Variants in TUBA4B observed in about 807,000 individuals in gnomAD.
TUBA4B encodes the protein tubulin-like protein alpha-4B.
TUBA4B carries 13 observed loss-of-function variants against 18.4 expected under a neutral mutation model. The observed-to-expected ratio is 0.71, with a 90% CI of 0.46 to 1.12. The LOEUF is 1.12. Ranked by LOEUF, TUBA4B falls within the 50% of genes most tolerant of loss-of-function variation. The pLI, the probability that TUBA4B is intolerant of heterozygous loss-of-function variation, is 0.00. For synonymous variants in TUBA4B, 101 were observed against 99.1 expected (o/e 1.02, Z -0.11); for missense variants, 244 against 250.0 (o/e 0.98, Z 0.16).
At chr2:219,270,595 G>A (rs555255251) in intron 3 of TUBA4B, among the ~76,000 whole-genome samples, 13 of 151,414 alleles carry the variant, frequency 8.6e-5, no homozygotes, top group Non-Finnish European at 1.9e-4. Context: ...TTGATGGGCT[G>A]CCTGGCCAAG....
intron 2 of TUBA4B, among the ~76,000 whole-genome samples, chr2:219,268,988 C>T (rs1226844478): frequency 2.6e-5 from 4 of 151,990 alleles, no homozygotes; most frequent in African/African-American, 4.8e-5. Context: ...CCCAGCTACT[C>T]GGGAGGCTGA....
At chr2:219,255,861 T>C (rs570504774) in intron 1 of TUBA4B, among the ~76,000 whole-genome samples, 2 of 152,288 alleles carry the variant, frequency 1.3e-5, no homozygotes, top group East Asian at 3.9e-4. Flanking sequence ...GGCAACTCTC[T>C]ATCAACAAAA....
At chr2:219,257,983 G>GTTTTT (rs1025891775) in intron 1 of TUBA4B, among the ~76,000 whole-genome samples, 8 of 94,172 alleles carry the variant, frequency 8.5e-5, no homozygotes, top group Non-Finnish European at 1.4e-4. Flanking sequence ...CATTTTGGGT[G>GTTTTT]TTTTTTTTTT....
chr2:219,253,776 C>T, intron 1 of TUBA4B: 1 of 1,506,192 alleles, frequency 6.6e-7, no homozygotes. Context: ...TGGAGGTCCC[C>T]GAGCATGCCT....
chr2:219,272,027 G>A lies in TUBA4B; in HGVS notation c.*328G>A. ...GGCACTGATATGTGGGTGAGGGCAT[G>A]GAGGAGGGTGAGTTCTCCAAGGCCC... On this transcript the variant is annotated 3_prime_UTR_variant, in exon 4 of 4. Transcript: ENST00000490341. 1 of 1,485,164 alleles carries A rather than the reference G, an allele frequency of 6.7e-7. No homozygotes were observed. 92.0% of individuals were successfully genotyped at this position (1,485,164 alleles called of 1,614,324 possible).
chr2:219,271,915 G>A lies in TUBA4B; in HGVS notation c.*216G>A, dbSNP rs1452896530. ...CCTGGTAAAGTGCAACGTGCCATGT[G>A]CATGCTGAGCAACATGACAGCCATC... On this transcript the variant is annotated 3_prime_UTR_variant, in exon 4 of 4. Coordinates refer to ENST00000490341, the MANE Select transcript of TUBA4B (RefSeq NM_001355221.1). The A allele has an allele frequency of 2.1e-6, 3 of 1,431,014 alleles. No homozygotes were observed. The highest frequency in any genetic ancestry group is 1.1e-5 in the South Asian group (1 of 87,176). The allele number at this position is 1,431,014 out of a possible 1,614,324, so 88.6% of individuals were successfully genotyped here. A position where few individuals can be genotyped will look rare whatever the true frequency, so the allele number is the denominator to read the frequency against.
At chr2:219,254,379 C>A (rs2125072330) in intron 1 of TUBA4B, 1 of 152,758 alleles carries the variant, frequency 6.5e-6, no homozygotes, top group Admixed American at 6.5e-5. Flanking sequence ...TGTGGCGCGT[C>A]CCCGGGGAGC....
intron 1 of TUBA4B, chr2:219,254,461 C>T (rs981661187): frequency 6.6e-6 from 1 of 152,298 alleles, no homozygotes; most frequent in South Asian, 2.1e-4. Flanking sequence ...TGTGGGCGGC[C>T]GAGGACCCAG....
intron 1 of TUBA4B, among the ~76,000 whole-genome samples, chr2:219,262,628 C>A (rs1951766336): frequency 6.6e-6 from 1 of 152,170 alleles, no homozygotes; most frequent in African/African-American, 2.4e-5. Flanking sequence ...CCTCCTCAGC[C>A]TCCCAAGTAG....
rs1158116997 is a variant in TUBA4B, at chr2:219,257,641, C to CAA, written c.12+4246_12+4247dup. The stretch of plus-strand genomic sequence containing the variant: ...TGGGCAATAGTGAGAGACACTGTCT[C>CAA]AAAAAAAAAAAAAAAAAAAAAAAAA... On this transcript the variant is annotated intron_variant, in intron 1 of 3. Transcript: ENST00000490341. Among the ~76,000 whole-genome samples the CAA allele has an allele frequency of 5.9e-3, 244 of 41,494 alleles. 3 individuals carry two copies. Among genetic ancestry groups the CAA allele is most frequent in the African/African-American group, 0.018 (209 of 11,754 alleles). The allele number at this position is 41,494 out of a possible 152,430, so 27.2% of individuals were successfully genotyped here.
chr2:219,266,505 G>T lies in TUBA4B; in HGVS notation c.13-16G>T. 1.4e-6 allele frequency: 1 copy of T among 702,820 alleles called. No homozygotes were observed. The highest frequency in any genetic ancestry group is 2.6e-6 in the Non-Finnish European group (1 of 384,904). The allele number at this position is 702,820 out of a possible 1,614,324, so 43.5% of individuals were successfully genotyped here. ...GCAGGCCTCTCACAGATCTATCCCT[G>T]CTCACTATCCTGCAGCAGACAGAGA... On this transcript the variant is annotated splice_polypyrimidine_tract_variant and intron_variant, in intron 1 of 3. Coordinates refer to ENST00000490341, the MANE Select transcript of TUBA4B (RefSeq NM_001355221.1).
chr2:219,272,067 GC>G lies in TUBA4B; in HGVS notation c.*371del. The G allele has an allele frequency of 8.0e-7, 1 of 1,247,684 alleles. No homozygotes were observed. 77.3% of individuals were successfully genotyped at this position (1,247,684 alleles called of 1,614,324 possible). Reference sequence around the variant, plus strand: ...CTCCAAGGCCCATGAGGATATGACTGCCCTGGAGAAGGATTACAAGGAGGTG... The same window carrying G: ...CTCCAAGGCCCATGAGGATATGACTGCCTGGAGAAGGATTACAAGGAGGTG... On this transcript the variant is annotated 3_prime_UTR_variant, in exon 4 of 4. Transcript: ENST00000490341.
At chr2:219,268,213 A>G (rs1049260147) in intron 2 of TUBA4B, among the ~76,000 whole-genome samples, 2 of 150,650 alleles carry the variant, frequency 1.3e-5, no homozygotes, top group South Asian at 2.1e-4. Context: ...GGTTCAAGCA[A>G]TTCTCCTGCC....
rs555284823 is a variant in TUBA4B at position 219,266,177 on chromosome 2, G to A, written c.13-344G>A. ...TTTGATGGGTGGGGGCGGTGCTGGAGCTCAGGGTCTTGATTTCTAAATCAT... is the reference window on the plus strand; with the variant it reads ...TTTGATGGGTGGGGGCGGTGCTGGAACTCAGGGTCTTGATTTCTAAATCAT... On this transcript the variant is annotated intron_variant, in intron 1 of 3. Transcript: ENST00000490341. 9.5e-5 allele frequency: 25 copies of A among 262,672 alleles called. 2 individuals are homozygous for A. The highest frequency in any genetic ancestry group is 4.9e-4 in the African/African-American group (22 of 45,254). The allele number at this position is 262,672 out of a possible 1,614,324, so 16.3% of individuals were successfully genotyped here.
rs776981906 is a variant in TUBA4B, at chr2:219,270,323, G to A, written c.180G>A (p.Arg60=). 1 of 737,888 alleles carries A rather than the reference G, an allele frequency of 1.4e-6. No homozygotes were observed. The highest frequency in any genetic ancestry group is 2.5e-6 in the Non-Finnish European group (1 of 400,370). 45.7% of individuals were successfully genotyped at this position (737,888 alleles called of 1,614,324 possible). Residue 60 remains arginine (R), a synonymous_variant, in exon 3 of 4, where the codon CGG becomes CGA. Transcript: ENST00000490341. ...GKEFIDLLLD[R]IRKLADQCTG... ...AGTTCATCGACCTGCTACTGGACCG[G>A]ATTCGGAAGCTGGTGAGGAAAGGAC...
chr2:219,259,155 TAAATA>T (rs1951743399), intron 1 of TUBA4B, among the ~76,000 whole-genome samples: 1 of 147,772 alleles, frequency 6.8e-6, no homozygotes, highest in African/African-American at 2.5e-5. Flanking sequence ...AATAAATAAA[TAAATA>T]AATAAATAAA....
At chr2:219,259,233 C>T (rs771451000) in intron 1 of TUBA4B, among the ~76,000 whole-genome samples, 3 of 150,356 alleles carry the variant, frequency 2.0e-5, no homozygotes, top group Non-Finnish European at 4.4e-5. Context: ...GCAGGAGAAT[C>T]GCTTGAACCT....
intron 1 of TUBA4B, among the ~76,000 whole-genome samples, chr2:219,258,347 G>A (rs562904227): frequency 6.6e-6 from 1 of 151,944 alleles, no homozygotes; most frequent in African/African-American, 2.4e-5. Context: ...TTGACACAAG[G>A]TCTGGCTCTA....
intron 1 of TUBA4B, among the ~76,000 whole-genome samples, chr2:219,257,424 C>T (rs1211254302): frequency 2.1e-5 from 3 of 144,194 alleles, no homozygotes; most frequent in African/African-American, 5.1e-5. Flanking sequence ...AGGTGGATCA[C>T]GAGGTCAGAA....
Sources: gnomAD v4.1 joint callset for allele counts (sites outside exome capture counted in the v4.1 genomes callset) on GRCh38, gnomAD v4.1.1 for gene constraint, MANE v1.5 for transcripts, NCBI Gene and HGNC (gene_info 2026-07-23, HGNC 2026-07-21) for gene names.